Variants in SPATA24 observed in about 807,000 individuals in gnomAD.
SPATA24 encodes the protein spermatogenesis-associated protein 24.
Under a neutral mutation model 28.9 loss-of-function variants are expected in SPATA24, and 21 were observed. The ratio of observed to expected loss-of-function variants is 0.73; its 90% CI spans 0.52 to 1.05. SPATA24 has a LOEUF of 1.05. SPATA24 is among the 50% of genes least tolerant of loss of function. The probability of loss-of-function intolerance (pLI) is 0.00; values close to 1 mark genes in which losing one functional copy is unlikely to be tolerated. For synonymous variants in SPATA24, 76 were observed against 89.9 expected, an observed-to-expected ratio of 0.85 and a Z score of 0.88; for missense variants, 215 against 242.9, an observed-to-expected ratio of 0.88 and a Z score of 0.76.
At chr5:139,395,034 C>T (rs991059972), downstream of SPATA24, 13 of 1,434,124 alleles carry the variant, frequency 9.1e-6, no homozygotes, top group African/African-American at 4.5e-5. Flanking sequence ...CCGTGGGCAG[C>T]TGCCTCGGGA....
downstream of SPATA24, chr5:139,394,291 G>C: frequency 1.3e-6 from 2 of 1,519,892 alleles, no homozygotes; most frequent in South Asian, 2.5e-5. Context: ...GCTCGGGGCC[G>C]GGGCCTCGGG....
In SPATA24 at chr5:139,396,945, C is replaced by A. The variant is rs908818542; in HGVS notation, c.489-16G>T. On this transcript the variant is annotated splice_polypyrimidine_tract_variant and intron_variant, in intron 5 of 5. Transcript: ENST00000450845. ...CATGTGATTCCTGCAACGGAGCCGG[C>A]TGGTGGTGGGCTGTGGACAGCCAAG... is the stretch of plus-strand genomic sequence containing the variant. The A allele has an allele frequency of 1.9e-6, 3 of 1,551,646 alleles. No homozygotes were observed. Among genetic ancestry groups the A allele is most frequent in the Non-Finnish European group, 2.6e-6 (3 of 1,146,936 alleles).
chr5:139,392,677 C>T, downstream of SPATA24: 1 of 1,397,648 alleles, frequency 7.2e-7, no homozygotes. This position sits in a 1 kb window ranked among gnomAD's most constrained non-coding sequence, Gnocchi z 5.8. Context: ...CTGAGGGGAG[C>T]CGGGGCGGGG....
downstream of SPATA24, chr5:139,394,770 G>A: frequency 1.3e-6 from 2 of 1,532,482 alleles, no homozygotes; most frequent in Non-Finnish European, 1.8e-6. Context: ...ACGGCAGCGT[G>A]CGCAGCTGGG....
chr5:139,396,225 G>A, downstream of SPATA24: 1 of 985,388 alleles, frequency 1.0e-6, no homozygotes, highest in Non-Finnish European at 1.2e-6. Flanking sequence ...GGCACTCGGT[G>A]ATGGCTTCTG....
chr5:139,399,186 GGGCACC>G (rs1160614469), intron 4 of SPATA24, among the ~76,000 whole-genome samples: 4 of 151,440 alleles, frequency 2.6e-5, no homozygotes, highest in African/African-American at 9.7e-5. Flanking sequence ...GTGTGGTGGC[GGGCACC>G]TATAGTCCCA....
intron 1 of SPATA24, among the ~76,000 whole-genome samples, chr5:139,403,140 G>A (rs1758859573): frequency 6.6e-6 from 1 of 152,186 alleles, no homozygotes; most frequent in Non-Finnish European, 1.5e-5. Flanking sequence ...AGGAAGACCT[G>A]GGTACCTTCA....
At chr5:139,393,060 G>A (rs748223567), downstream of SPATA24, 5 of 1,529,954 alleles carry the variant, frequency 3.3e-6, no homozygotes, top group South Asian at 2.5e-5. Flanking sequence ...GAGCCGGGGC[G>A]GGGGGCCCCA....
At chr5:139,401,653 G>C (rs748995431) in intron 4 of SPATA24, 102 bp downstream of exon 4, 1 of 1,279,890 alleles carries the variant, frequency 7.8e-7, no homozygotes, top group Non-Finnish European at 1.1e-6. Flanking sequence ...CTCAGCTGGG[G>C]ACAGGTGTTA....
At chr5:139,393,815 G>A (rs371305571), downstream of SPATA24, 248 of 1,551,120 alleles carry the variant, frequency 1.6e-4, no homozygotes, top group Non-Finnish European at 1.9e-4. Context: ...CTCACCCTCC[G>A]AGTAGTCCGA....
At chr5:139,398,666 C>T (rs1758760880) in intron 4 of SPATA24, among the ~76,000 whole-genome samples, 1 of 152,172 alleles carries the variant, frequency 6.6e-6, no homozygotes, top group Non-Finnish European at 1.5e-5. Flanking sequence ...ATTTACATAA[C>T]TGCCCCACAT....
downstream of SPATA24, chr5:139,396,340 G>A: frequency 2.0e-6 from 2 of 985,432 alleles, no homozygotes; most frequent in Non-Finnish European, 2.4e-6. Flanking sequence ...ACACAGCATT[G>A]TCTTTTCTCT....
chr5:139,393,162 C>T (rs142975911), downstream of SPATA24: 1 of 1,547,556 alleles, frequency 6.5e-7, no homozygotes, highest in African/African-American at 1.4e-5. Context: ...GTGCTCCTGC[C>T]GGGAAGCCTG....
At chr5:139,392,783 G>T, downstream of SPATA24, 1 of 1,450,476 alleles carries the variant, frequency 6.9e-7, no homozygotes, top group Non-Finnish European at 9.1e-7. The surrounding 1 kb of genome is among the most constrained non-coding windows in gnomAD (Gnocchi z 5.8). Context: ...GGGACCAGGC[G>T]CTGGGCCTCT....
chr5:139,394,731 G>C (rs1284982014), downstream of SPATA24: 1 of 1,532,498 alleles, frequency 6.5e-7, no homozygotes, highest in African/African-American at 1.4e-5. Context: ...ACAGGGGTCC[G>C]ACGCCGAAGA....
At chr5:139,393,066 C>A, downstream of SPATA24, 1 of 1,529,184 alleles carries the variant, frequency 6.5e-7, no homozygotes, top group African/African-American at 1.4e-5. Flanking sequence ...GGGCGGGGGG[C>A]CCCAGTGCTG....
At chr5:139,393,907 C>T (rs1368163192), downstream of SPATA24, 12 of 1,551,068 alleles carry the variant, frequency 7.7e-6, no homozygotes, top group South Asian at 1.2e-4. Context: ...CGGGGACGGG[C>T]TCCTTGGCCT....
At chr5:139,395,020 G>A, downstream of SPATA24, 2 of 1,456,456 alleles carry the variant, frequency 1.4e-6, no homozygotes, top group Non-Finnish European at 1.8e-6. Flanking sequence ...GCGCCGCGCG[G>A]GGGCCGTGGG....
chr5:139,396,625 G>A (rs1406421235), downstream of SPATA24: 23 of 1,466,800 alleles, frequency 1.6e-5, no homozygotes, highest in Non-Finnish European at 2.1e-5. Context: ...AAGCGGTGGT[G>A]CCTACCAGAC....
Sources: allele counts gnomAD v4.1 joint callset (sites outside exome capture counted in the v4.1 genomes callset), GRCh38; gene constraint gnomAD v4.1.1; non-coding constraint Gnocchi (gnomAD v3.1); transcripts MANE v1.5; gene names NCBI Gene and HGNC (gene_info 2026-07-23, HGNC 2026-07-21).